ZNF536: variants seen among roughly 807,000 people sequenced by gnomAD.
ZNF536 encodes zinc finger protein 536.
A neutral mutation model predicts 84.5 loss-of-function variants in ZNF536; 13 were observed. The ratio of observed to expected loss-of-function variants is 0.15; its 90% CI spans 0.10 to 0.24. ZNF536 has a LOEUF of 0.24. Ranked by LOEUF, ZNF536 falls within the 10% of genes least tolerant of loss-of-function variation. The probability of loss-of-function intolerance (pLI) is 1.00; values close to 1 mark genes in which losing one functional copy is unlikely to be tolerated. For missense variants in ZNF536, 1,536 were observed against 1,747.5 expected, an observed-to-expected ratio of 0.88 and a Z score of 2.16; for synonymous variants, 811 against 742.5, an observed-to-expected ratio of 1.09 and a Z score of -1.50.
intron 1 of ZNF536, among the ~76,000 whole-genome samples, chr19:30,689,723 C>A (rs943777943): frequency 2.6e-5 from 4 of 152,126 alleles, no homozygotes; most frequent in Non-Finnish European, 1.5e-5. Context: ...TCCCGTGTGT[C>A]CCGTGGAACA....
intron 1 of ZNF536, among the ~76,000 whole-genome samples, chr19:30,569,559 CT>C (rs34995610): frequency 3.5e-3 from 192 of 55,058 alleles, no homozygotes; most frequent in African/African-American, 0.01. Context: ...GATAAACGTT[CT>C]TTTTTTTTTT....
rs1476870581 is a variant in ZNF536 at position 30,445,026 on chromosome 19, C to G, written c.1464C>G (p.Leu488=). ...TCCCGGAGGGGGACAAGCACTCCCT[C>G]CTGGGATGCCTCAATCTCGTGCCGC... is the stretch of plus-strand genomic sequence containing the variant. The part of the protein sequence containing the change: ...HGVPEGDKHS[L]LGCLNLVPPL... Residue 488 remains leucine, a synonymous_variant, in exon 2 of 5, where the codon CTC becomes CTG. Coordinates refer to ENST00000355537, the MANE Select transcript of ZNF536 (RefSeq NM_014717.3). The surrounding 1 kb of genome is among the most constrained non-coding windows in gnomAD (Gnocchi z 4.5). The G allele has an allele frequency of 1.2e-6, 2 of 1,613,172 alleles. No homozygotes were observed. The highest frequency in any genetic ancestry group is 4.5e-5 in the East Asian group (2 of 44,838).
At chr19:30,303,058 G>A (rs555217105) in intron 2 of ZNF536, among the ~76,000 whole-genome samples, 2 of 152,202 alleles carry the variant, frequency 1.3e-5, no homozygotes, top group Non-Finnish European at 2.9e-5. Flanking sequence ...AAGCATTGGT[G>A]GTTCTGGCTC....
chr19:30,700,223 T>TC (rs61008547), intron 1 of ZNF536, among the ~76,000 whole-genome samples: 5 of 122,448 alleles, frequency 4.1e-5, no homozygotes, highest in African/African-American at 1.6e-4. Context: ...CTTCTTTCTT[T>TC]CTTTCTTTCT....
intron 1 of ZNF536, among the ~76,000 whole-genome samples, chr19:30,393,941 G>A (rs902126997): frequency 6.6e-6 from 1 of 152,212 alleles, no homozygotes; most frequent in Non-Finnish European, 1.5e-5. Flanking sequence ...TGGTGGAGGA[G>A]ATAGAGAGAA....
chr19:30,522,260 T>TATATATGTGTATATATATAC, intron 2 of ZNF536, among the ~76,000 whole-genome samples: 1 of 110,314 alleles, frequency 9.1e-6, no homozygotes, highest in African/African-American at 3.3e-5. Flanking sequence ...TGGATATATA[T>TATATATGTGTATATATATAC]ACATATATAT....
chr19:30,489,494 A>G (rs1226295396), intron 2 of ZNF536, among the ~76,000 whole-genome samples: 1 of 152,110 alleles, frequency 6.6e-6, no homozygotes, highest in African/African-American at 2.4e-5. Context: ...AGGTGGGAGG[A>G]TCGCTTGAGC....
At chr19:30,596,546 C>T (rs1177978997) in intron 1 of ZNF536, among the ~76,000 whole-genome samples, 1 of 152,128 alleles carries the variant, frequency 6.6e-6, no homozygotes, top group Admixed American at 6.5e-5. Context: ...AATCATCAAT[C>T]CACATCTAGT....
intron 2 of ZNF536, among the ~76,000 whole-genome samples, chr19:30,493,597 C>T (rs1394549894): frequency 3.3e-5 from 5 of 152,152 alleles, no homozygotes; most frequent in African/African-American, 4.8e-5. Context: ...TTCAGTCTTC[C>T]CCATCACTCG....
intron 1 of ZNF536, among the ~76,000 whole-genome samples, chr19:30,426,044 A>G (rs182020087): frequency 1.3e-5 from 2 of 152,258 alleles, no homozygotes; most frequent in African/African-American, 4.8e-5. Context: ...CGGGGCTGGT[A>G]GCACACCCCA....
At chr19:30,247,480 C>G (rs1392436584) in intron 1 of ZNF536, among the ~76,000 whole-genome samples, 1 of 152,104 alleles carries the variant, frequency 6.6e-6, no homozygotes, top group Non-Finnish European at 1.5e-5. Flanking sequence ...CCAGGTAACC[C>G]TTCCCAGTTC....
chr19:30,262,009 T>A (rs1223610472), intron 1 of ZNF536, among the ~76,000 whole-genome samples: 2 of 152,182 alleles, frequency 1.3e-5, no homozygotes, highest in Non-Finnish European at 2.9e-5. Flanking sequence ...TGCGTCTCAT[T>A]GGCAATGCAA....
intron 1 of ZNF536, among the ~76,000 whole-genome samples, chr19:30,397,405 G>A (rs2049867917): frequency 6.6e-6 from 1 of 152,206 alleles, no homozygotes; most frequent in African/African-American, 2.4e-5. Flanking sequence ...TGAAGTCTGG[G>A]TAAAGCTGGA....
At chr19:30,543,366 C>T (rs2045409675) in intron 3 of ZNF536, among the ~76,000 whole-genome samples, 1 of 152,332 alleles carries the variant, frequency 6.6e-6, no homozygotes, top group South Asian at 2.1e-4. Flanking sequence ...AGATGGGACT[C>T]ATTTATGGCC....
At chr19:30,617,682 C>G (rs916089398) in intron 1 of ZNF536, among the ~76,000 whole-genome samples, 1 of 151,962 alleles carries the variant, frequency 6.6e-6, no homozygotes, top group African/African-American at 2.4e-5. Flanking sequence ...TTATATTCTC[C>G]CTCCTGTTAT....
At chr19:30,583,498 C>T (rs1207168060) in intron 1 of ZNF536, among the ~76,000 whole-genome samples, 1 of 152,150 alleles carries the variant, frequency 6.6e-6, no homozygotes, top group Non-Finnish European at 1.5e-5. Flanking sequence ...AATGGGTGTG[C>T]TTTTGGTGTG....
chr19:30,671,924 C>T (rs1032831077), intron 1 of ZNF536, among the ~76,000 whole-genome samples: 6 of 152,110 alleles, frequency 3.9e-5, no homozygotes, highest in Non-Finnish European at 7.3e-5. Flanking sequence ...GGACTTGAGG[C>T]ATCAAGACAG....
intron 2 of ZNF536, among the ~76,000 whole-genome samples, chr19:30,295,691 C>G (rs953628660): frequency 6.6e-6 from 1 of 152,154 alleles, no homozygotes; most frequent in Non-Finnish European, 1.5e-5. Context: ...CCGTGCACAT[C>G]TGTTTTACAC....
chr19:30,602,372 A>C (rs1419241911), intron 1 of ZNF536, among the ~76,000 whole-genome samples: 1 of 152,188 alleles, frequency 6.6e-6, no homozygotes, highest in Admixed American at 6.5e-5. Context: ...AAGGCAGATG[A>C]AGTTGCTACT....
Sources: gnomAD v4.1 joint callset for allele counts (sites outside exome capture counted in the v4.1 genomes callset) on GRCh38, gnomAD v4.1.1 for gene constraint, Gnocchi (gnomAD v3.1) non-coding constraint, MANE v1.5 for transcripts, NCBI Gene and HGNC (gene_info 2026-07-23, HGNC 2026-07-21) for gene names.